The following PRKAA1 variants were observed in gnomAD, a reference collection of about 807,000 sequenced individuals.
PRKAA1 encodes 5'-AMP-activated protein kinase catalytic subunit alpha-1.
A neutral mutation model predicts 56.9 loss-of-function variants in PRKAA1; 23 were observed. That is an observed-to-expected ratio of 0.40 (90% CI 0.29 to 0.57). The LOEUF is 0.57. Among genes scored for constraint, PRKAA1 ranks in the 20% least tolerant of loss-of-function variants. The probability of loss-of-function intolerance (pLI) is 0.39; values close to 1 mark genes in which losing one functional copy is unlikely to be tolerated. For synonymous variants in PRKAA1, 226 were observed against 227.0 expected (o/e 1.00, Z 0.04); for missense variants, 413 against 679.7 (o/e 0.61, Z 4.36).
intron 1 of PRKAA1, among the ~76,000 whole-genome samples, chr5:40,789,275 C>T (rs929997543): frequency 1.3e-5 from 2 of 152,090 alleles, no homozygotes; most frequent in Non-Finnish European, 2.9e-5. Context: ...TGCTGAACAT[C>T]TCTAATCATA....
At chr5:40,797,501 G>A (rs1390452657) in intron 1 of PRKAA1, among the ~76,000 whole-genome samples, 1 of 152,082 alleles carries the variant, frequency 6.6e-6, no homozygotes, top group Non-Finnish European at 1.5e-5. Context: ...CGACGACATG[G>A]TCTTTAAAAA....
chr5:40,772,854 G>A (rs1000970626), intron 3 of PRKAA1, among the ~76,000 whole-genome samples: 1 of 152,090 alleles, frequency 6.6e-6, no homozygotes, highest in African/African-American at 2.4e-5. Flanking sequence ...GGCTGGTCTC[G>A]AACTCCTGAG....
At chr5:40,786,971 G>A (rs1174279256) in intron 1 of PRKAA1, among the ~76,000 whole-genome samples, 1 of 151,172 alleles carries the variant, frequency 6.6e-6, no homozygotes, top group Non-Finnish European at 1.5e-5. Context: ...CAAACAAAAA[G>A]AAACAGAAAA....
At chr5:40,785,125 C>T (rs950771913) in intron 1 of PRKAA1, among the ~76,000 whole-genome samples, 6 of 152,186 alleles carry the variant, frequency 3.9e-5, no homozygotes, top group African/African-American at 1.2e-4. Flanking sequence ...TACTATGTGC[C>T]AGGCACTGCT....
Position 40,760,090 on chromosome 5 carries a change from GA to G in PRKAA1, c.*2687del, listed in dbSNP as rs1422898673. ...AAAGTCACAAAAAATATAAACTGCT[GA>G]AAAGATAATAAAAAAAGATTAAAAA... On this transcript the variant is annotated 3_prime_UTR_variant, in exon 9 of 9. Transcript: ENST00000397128. 1 of 152,604 alleles carries G rather than the reference GA, an allele frequency of 6.6e-6. No individual in the cohort carries two copies. The highest frequency in any genetic ancestry group is 6.6e-5 in the Admixed American group (1 of 15,256). 9.5% of individuals were successfully genotyped at this position (152,604 alleles called of 1,614,324 possible).
At chr5:40,785,874 A>AGG (rs1476431603) in intron 1 of PRKAA1, among the ~76,000 whole-genome samples, 73 of 144,944 alleles carry the variant, frequency 5.0e-4, no homozygotes, top group Admixed American at 2.3e-3. Context: ...AGAGAGAGAG[A>AGG]GAGAGCAAGC....
chr5:40,775,049 TA>T lies in PRKAA1; in HGVS notation c.363+360del. ...GGCCTAGATCTTTAAGTAATAATAA[TA>T]TATTTTGTAACGATTAATTACATTA... On this transcript the variant is annotated intron_variant, in intron 3 of 8. Coordinates refer to ENST00000397128, the MANE Select transcript of PRKAA1 (RefSeq NM_006251.6). The T allele has an allele frequency of 4.7e-6, 5 of 1,052,796 alleles. No homozygotes were observed. The South Asian group carries it at 5.6e-5, about 12-fold the overall frequency. The allele number at this position is 1,052,796 out of a possible 1,614,324, so 65.2% of individuals were successfully genotyped here.
chr5:40,793,235 C>CT (rs1262226816), intron 1 of PRKAA1, among the ~76,000 whole-genome samples: 1 of 151,988 alleles, frequency 6.6e-6, no homozygotes, highest in Non-Finnish European at 1.5e-5. Context: ...CTCATCCATG[C>CT]TTTTTTTGGG....
At chr5:40,787,239 G>A (rs1444364520) in intron 1 of PRKAA1, among the ~76,000 whole-genome samples, 1 of 152,048 alleles carries the variant, frequency 6.6e-6, no homozygotes, top group Admixed American at 6.6e-5. Flanking sequence ...GCCGAAGCGG[G>A]CATATCACCT....
chr5:40,786,786 C>CAA (rs34749478), intron 1 of PRKAA1, among the ~76,000 whole-genome samples: 1,919 of 43,528 alleles, frequency 0.044, 210 homozygotes, highest in Admixed American at 0.098. Context: ...ACTAAAAATA[C>CAA]AAAAAAAAAA....
At chr5:40,784,568 G>A (rs1744393343) in intron 1 of PRKAA1, among the ~76,000 whole-genome samples, 1 of 152,110 alleles carries the variant, frequency 6.6e-6, no homozygotes, top group South Asian at 2.1e-4. Context: ...GAAAAAAGCA[G>A]CTTAATTTGA....
intron 4 of PRKAA1, among the ~76,000 whole-genome samples, chr5:40,770,288 C>A (rs1339765923): frequency 6.6e-6 from 1 of 151,966 alleles, no homozygotes; most frequent in African/African-American, 2.4e-5. Flanking sequence ...CATAGTGATT[C>A]CCCATCTCCA....
At chr5:40,783,955 T>C (rs373033993) in intron 1 of PRKAA1, among the ~76,000 whole-genome samples, 3 of 152,144 alleles carry the variant, frequency 2.0e-5, no homozygotes, top group Admixed American at 6.5e-5. Context: ...TACTAGATGT[T>C]TGACTTGGGC....
intron 5 of PRKAA1, 132 bp downstream of exon 5, chr5:40,769,284 T>C: frequency 1.4e-6 from 1 of 703,978 alleles, no homozygotes; most frequent in South Asian, 2.2e-5. Flanking sequence ...CATTCACATA[T>C]AAATGTGGTT....
chr5:40,781,488 G>A (rs1340220382), intron 1 of PRKAA1, among the ~76,000 whole-genome samples: 1 of 152,156 alleles, frequency 6.6e-6, no homozygotes, highest in Non-Finnish European at 1.5e-5. Context: ...CAAAGTCACA[G>A]TAACATATGG....
intron 1 of PRKAA1, among the ~76,000 whole-genome samples, chr5:40,795,650 A>G (rs145171606): frequency 7.1e-4 from 108 of 152,350 alleles, no homozygotes; most frequent in Non-Finnish European, 1.4e-3. Context: ...AGAACCACAG[A>G]TAAGTTCTTT....
At chr5:40,771,619 T>C in intron 4 of PRKAA1, 100 bp downstream of exon 4, 2 of 1,192,804 alleles carry the variant, frequency 1.7e-6, no homozygotes, top group Non-Finnish European at 2.4e-6. Context: ...TCTATTACTT[T>C]ATGTAATCTT....
At chr5:40,793,251 G>A (rs1038189865) in intron 1 of PRKAA1, among the ~76,000 whole-genome samples, 1 of 151,740 alleles carries the variant, frequency 6.6e-6, no homozygotes, top group Non-Finnish European at 1.5e-5. Flanking sequence ...TTGGGCAGAG[G>A]GAAGGCCCAC....
At chr5:40,765,740 GGAA>G (rs1743399349) in intron 6 of PRKAA1, among the ~76,000 whole-genome samples, 1 of 87,968 alleles carries the variant, frequency 1.1e-5, no homozygotes, top group African/African-American at 4.5e-5. Flanking sequence ...TTTAAATGAA[GGAA>G]TTGAGGTTAA....
Sources: allele counts gnomAD v4.1 joint callset (sites outside exome capture counted in the v4.1 genomes callset), GRCh38; gene constraint gnomAD v4.1.1; transcripts MANE v1.5; gene names NCBI Gene and HGNC (gene_info 2026-07-23, HGNC 2026-07-21).